The following PTPN22 variants were observed in gnomAD, a reference collection of about 807,000 sequenced individuals.
PTPN22 encodes tyrosine-protein phosphatase non-receptor type 22.
PTPN22 carries 85 observed loss-of-function variants against 103.3 expected under a neutral mutation model. The observed-to-expected ratio is 0.82, with a 90% confidence interval of 0.69 to 0.99. The LOEUF is 0.99. Ranked by LOEUF, PTPN22 falls within the 50% of genes least tolerant of loss-of-function variation. PTPN22 has a pLI of 0.00. For synonymous variants in PTPN22, 323 were observed against 310.2 expected, an observed-to-expected ratio of 1.04 and a Z score of -0.43; for missense variants, 865 against 936.9, an observed-to-expected ratio of 0.92 and a Z score of 1.00.
intron 8 of PTPN22, 56 bp from the exon 9 acceptor site, chr1:113,854,593 A>G: frequency 2.0e-6 from 3 of 1,512,520 alleles, no homozygotes; most frequent in South Asian, 2.3e-5. Flanking sequence ...AGAATGGACC[A>G]TTGACAGTAG....
At chr1:113,829,855 ATT>A in intron 17 of PTPN22, 92 bp downstream of exon 17, 1 of 1,306,874 alleles carries the variant, frequency 7.7e-7, no homozygotes, top group Non-Finnish European at 1.1e-6. Flanking sequence ...TTGTGTAATC[ATT>A]TTTGTACCTT....
At position 113,836,060 on chromosome 1, in the gene PTPN22, CAGAA is replaced by C. The variant is rs1042657578; in HGVS notation, c.1811-1071_1811-1068del. On this transcript the variant is annotated intron_variant, in intron 13 of 20. Transcript: ENST00000359785. ...AAAAATGTATAAAATAATCTAATCA[CAGAA>C]GGAACATCTTAGATCCAGATAAGAT... Among the ~76,000 whole-genome samples, 23 of 152,016 alleles carry C rather than the reference CAGAA, an allele frequency of 1.5e-4. 1 individual carries two copies. The highest frequency in any genetic ancestry group is 1.4e-3 in the Admixed American group (21 of 15,262).
At chr1:113,853,859 C>CTTTTTTTTTTTTTTTTTT (rs894010114) in intron 9 of PTPN22, among the ~76,000 whole-genome samples, 2 of 67,152 alleles carry the variant, frequency 3.0e-5, no homozygotes, top group African/African-American at 6.6e-5. Context: ...TTTTTTTTTG[C>CTTTTTTTTTTTTTTTTTT]TTTTTTTTTT....
Position 113,830,040 on chromosome 1 carries a change from A to G in PTPN22, c.2054-11T>C. ...GATCTTGATGTAGTTCTGTGATAAG[A>G]AAGTATACAATAAACCAGAGAAATC... is the stretch of plus-strand genomic sequence containing the variant. On this transcript the variant is annotated splice_polypyrimidine_tract_variant and intron_variant, in intron 16 of 20. Transcript: ENST00000359785. The G allele has an allele frequency of 6.4e-7, 1 of 1,560,370 alleles. No homozygotes were observed. Among genetic ancestry groups the G allele is most frequent in the Non-Finnish European group, 8.8e-7 (1 of 1,135,272 alleles).
chr1:113,845,200 GT>G (rs766526572), intron 11 of PTPN22, among the ~76,000 whole-genome samples: 89 of 137,610 alleles, frequency 6.5e-4, no homozygotes, highest in Admixed American at 6.6e-4. Context: ...TTTTGTTTTT[GT>G]TTTTTTTTTT....
chr1:113,863,705 C>G (rs947131373), intron 1 of PTPN22, among the ~76,000 whole-genome samples: 9 of 151,884 alleles, frequency 5.9e-5, no homozygotes, highest in African/African-American at 2.2e-4. Context: ...TACACAGAAC[C>G]AGGATGTATC....
At chr1:113,870,883 A>G (rs1256924379) in intron 1 of PTPN22, among the ~76,000 whole-genome samples, 2 of 152,162 alleles carry the variant, frequency 1.3e-5, no homozygotes, top group African/African-American at 4.8e-5. Context: ...TTTTTTTTAA[A>G]TTAGCCAGGC....
At position 113,856,461 on chromosome 1, in the gene PTPN22, T is replaced by A; in HGVS notation, c.481-20A>T. ...AGCTTCCTAAAAAGAAAAAGAAGAC[T>A]CAAGTATTAGTGATTGCAAAGACAA... On this transcript the variant is annotated intron_variant, in intron 6 of 20. Coordinates refer to ENST00000359785, the Ensembl canonical transcript of PTPN22. 1 of 1,611,100 alleles carries A rather than the reference T, an allele frequency of 6.2e-7. No individual in the cohort carries two copies. Among genetic ancestry groups the A allele is most frequent in the Non-Finnish European group, 8.5e-7 (1 of 1,178,668 alleles).
At chr1:113,815,782 G>A (rs1281206348) in intron 20 of PTPN22, among the ~76,000 whole-genome samples, 3 of 152,170 alleles carry the variant, frequency 2.0e-5, no homozygotes, top group Non-Finnish European at 4.4e-5. Context: ...GGGTTCAAGC[G>A]ATTCTCCTGC....
chr1:113,825,074 G>C (rs1462781640), intron 19 of PTPN22, 68 bp downstream of exon 19: 1 of 1,105,164 alleles, frequency 9.0e-7, no homozygotes, highest in Non-Finnish European at 1.3e-6. Flanking sequence ...TCACAATATT[G>C]GTTGGTTATA....
chr1:113,869,739 C>G (rs1666424519), intron 1 of PTPN22, among the ~76,000 whole-genome samples: 1 of 152,012 alleles, frequency 6.6e-6, no homozygotes, highest in African/African-American at 2.4e-5. Context: ...AAACAGAGGC[C>G]GGCACTGCCC....
At chr1:113,830,082 T>C (rs1270172946) in intron 16 of PTPN22, 53 bp from the exon 17 acceptor site, 13 of 1,257,010 alleles carry the variant, frequency 1.0e-5, no homozygotes, top group Non-Finnish European at 7.9e-6. Context: ...TTAAAAGTCA[T>C]AAGTCAACAC....
intron 11 of PTPN22, among the ~76,000 whole-genome samples, chr1:113,842,611 T>G (rs561871928): frequency 3.9e-4 from 59 of 149,624 alleles, no homozygotes; most frequent in African/African-American, 1.4e-3. Context: ...GAGGCAGAGG[T>G]TGCATTGAGC....
chr1:113,815,004 A>T (rs761282158), intron 20 of PTPN22, 35 bp from the exon 21 acceptor site: 3 of 1,484,504 alleles, frequency 2.0e-6, no homozygotes, highest in Non-Finnish European at 1.9e-6. Flanking sequence ...GAAAAGAAAG[A>T]TGTTTTAAGT....
rs563742533 is a variant in PTPN22, at chr1:113,818,338, T to C, written c.2359+1239A>G. Among the ~76,000 whole-genome samples the C allele has an allele frequency of 1.1e-4, 17 of 152,104 alleles. No homozygotes were observed. The South Asian group carries it at 3.3e-3, about 30-fold the overall frequency. On this transcript the variant is annotated intron_variant, in intron 20 of 20. Transcript: ENST00000359785. ...TACCACCATGCCCAGCTAATTTTTG[T>C]ATTTTTAGTAGAGACAGGGTTTCAC...
intron 20 of PTPN22, among the ~76,000 whole-genome samples, chr1:113,818,532 C>G (rs1661342790): frequency 6.6e-6 from 1 of 152,096 alleles, no homozygotes; most frequent in Admixed American, 6.5e-5. Context: ...AAAGACAGAT[C>G]CAGAAATTTT....
At chr1:113,859,387 T>C (rs1287671805) in exon 2 of PTPN22, 1 of 1,613,690 alleles carries the variant, frequency 6.2e-7, no homozygotes, top group Non-Finnish European at 8.5e-7. Context: ...TTTCTTGATA[T>C]TCTTGGGCTT....
chr1:113,862,730 G>A (rs573629833), intron 1 of PTPN22, among the ~76,000 whole-genome samples: 1 of 152,230 alleles, frequency 6.6e-6, no homozygotes, highest in East Asian at 1.9e-4. Context: ...ACAAAGTTTG[G>A]CTGTCTCGAG....
At chr1:113,814,369 A>C (rs977578121) in exon 21 of PTPN22, 2 of 152,168 alleles carry the variant, frequency 1.3e-5, no homozygotes, top group African/African-American at 4.8e-5. Context: ...ATAATTTCTC[A>C]TTTTCTTAAT....
Sources: gnomAD v4.1 joint callset for allele counts (sites outside exome capture counted in the v4.1 genomes callset) on GRCh38, gnomAD v4.1.1 for gene constraint, MANE v1.5 for transcripts, NCBI Gene and HGNC (gene_info 2026-07-23, HGNC 2026-07-21) for gene names.